The following ADAMTS19 variants were observed in gnomAD, a reference collection of about 807,000 sequenced individuals.
ADAMTS19 encodes the protein ADAM metallopeptidase with thrombospondin type 1 motif 19.
In ADAMTS19, 93 loss-of-function variants were observed where a neutral mutation model predicts 153.3. The observed-to-expected ratio is 0.61, with a 90% CI of 0.51 to 0.72. The LOEUF is 0.72. Among genes scored for constraint, ADAMTS19 ranks in the 30% least tolerant of loss-of-function variants. The pLI is 0.00. For synonymous variants in ADAMTS19, 600 were observed against 556.6 expected (o/e 1.08, Z -1.10); for missense variants, 1,482 against 1,552.1 (o/e 0.95, Z 0.76).
chr5:129,615,263 A>C (rs1217492692), intron 8 of ADAMTS19, among the ~76,000 whole-genome samples: 1 of 152,078 alleles, frequency 6.6e-6, no homozygotes, highest in Non-Finnish European at 1.5e-5. Flanking sequence ...AAGGTATTCT[A>C]ATGGAAAGGA....
intron 11 of ADAMTS19, 21 bp from the exon 12 acceptor site, chr5:129,647,744 A>G: frequency 6.2e-7 from 1 of 1,611,968 alleles, no homozygotes; most frequent in Non-Finnish European, 8.5e-7. Flanking sequence ...TTGTTCACCT[A>G]AGACATAACT....
intron 21 of ADAMTS19, among the ~76,000 whole-genome samples, chr5:129,712,324 A>G (rs2127182613): frequency 6.6e-6 from 1 of 152,266 alleles, no homozygotes; most frequent in East Asian, 1.9e-4. Flanking sequence ...CATTGAAAAA[A>G]CCTATCCCAA....
intron 21 of ADAMTS19, among the ~76,000 whole-genome samples, chr5:129,724,656 G>C (rs557022865): frequency 1.3e-5 from 2 of 152,118 alleles, no homozygotes; most frequent in African/African-American, 4.8e-5. Context: ...AGAGAAAAGA[G>C]AATAACTCTC....
At chr5:129,661,515 G>A (rs751235331) in intron 15 of ADAMTS19, among the ~76,000 whole-genome samples, 4 of 152,146 alleles carry the variant, frequency 2.6e-5, no homozygotes, top group Admixed American at 6.6e-5. Flanking sequence ...AGTTGGCCAC[G>A]CACGTTGTAT....
intron 20 of ADAMTS19, among the ~76,000 whole-genome samples, chr5:129,702,120 G>T (rs1183594093): frequency 6.6e-6 from 1 of 152,284 alleles, no homozygotes; most frequent in Non-Finnish European, 1.5e-5. Context: ...GTAGAGCTGG[G>T]ATTTGAACCC....
At chr5:129,724,955 A>G (rs1324403346) in intron 21 of ADAMTS19, among the ~76,000 whole-genome samples, 1 of 152,154 alleles carries the variant, frequency 6.6e-6, no homozygotes, top group Non-Finnish European at 1.5e-5. Flanking sequence ...TGTTGAACAT[A>G]TCTGGGCCCC....
In ADAMTS19 at chr5:129,596,684, A is replaced by T; in HGVS notation, c.1478+20A>T. 1 of 1,492,806 alleles carries T rather than the reference A, an allele frequency of 6.7e-7. No individual in the cohort carries two copies. 92.5% of individuals were successfully genotyped at this position (1,492,806 alleles called of 1,614,324 possible). The stretch of plus-strand genomic sequence containing the variant: ...TCACAAGTAAGTAAAAATCATGGCT[A>T]TGTTAAATATGTTAGCATATAACTT... On this transcript the variant is annotated intron_variant, in intron 8 of 22. Coordinates refer to ENST00000274487, the MANE Select transcript of ADAMTS19 (RefSeq NM_133638.6).
intron 2 of ADAMTS19, among the ~76,000 whole-genome samples, chr5:129,488,332 A>T (rs1432901601): frequency 6.6e-6 from 1 of 152,058 alleles, no homozygotes; most frequent in African/African-American, 2.4e-5. Flanking sequence ...GAGTCACTTT[A>T]ATTTCAGTCT....
At chr5:129,498,840 CTT>C (rs1448242055) in intron 2 of ADAMTS19, among the ~76,000 whole-genome samples, 1 of 144,172 alleles carries the variant, frequency 6.9e-6, no homozygotes, top group African/African-American at 2.6e-5. Context: ...TTTAATACTG[CTT>C]TTTACAATTT....
chr5:129,548,239 A>C (rs935116327), intron 6 of ADAMTS19, among the ~76,000 whole-genome samples: 2 of 149,916 alleles, frequency 1.3e-5, no homozygotes, highest in Admixed American at 6.6e-5. Context: ...TGAACAGGCA[A>C]CCTACAAAAT....
intron 8 of ADAMTS19, among the ~76,000 whole-genome samples, chr5:129,600,621 G>T (rs766726237): frequency 1.6e-4 from 25 of 152,052 alleles, no homozygotes; most frequent in Non-Finnish European, 2.9e-4. Context: ...GACTCTTGGG[G>T]ATGAAAATTT....
At chr5:129,625,144 A>T (rs746799628) in intron 10 of ADAMTS19, among the ~76,000 whole-genome samples, 4 of 152,168 alleles carry the variant, frequency 2.6e-5, no homozygotes, top group Non-Finnish European at 5.9e-5. Context: ...AGCTTCATCC[A>T]TGTAGCTACA....
intron 6 of ADAMTS19, among the ~76,000 whole-genome samples, chr5:129,539,332 A>C (rs1364047971): frequency 1.1e-4 from 17 of 152,072 alleles, no homozygotes; most frequent in Admixed American, 1.1e-3. Context: ...CTATAAACCC[A>C]GTTTTGCAGA....
chr5:129,673,086 T>G (rs918486607), intron 16 of ADAMTS19, among the ~76,000 whole-genome samples: 2 of 152,086 alleles, frequency 1.3e-5, no homozygotes, highest in Non-Finnish European at 2.9e-5. Flanking sequence ...TTTTCTTAGA[T>G]AAGCTAAAGT....
At chr5:129,702,941 A>AAATATATATAT in intron 20 of ADAMTS19, among the ~76,000 whole-genome samples, 49 of 29,258 alleles carry the variant, frequency 1.7e-3, no homozygotes, top group Middle Eastern at 0.023. Flanking sequence ...AAAAAAAAAA[A>AAATATATATAT]ATATATATAT....
At chr5:129,534,723 C>G (rs1264191487) in intron 6 of ADAMTS19, among the ~76,000 whole-genome samples, 1 of 152,158 alleles carries the variant, frequency 6.6e-6, no homozygotes, top group Non-Finnish European at 1.5e-5. Context: ...AGCTTATCCA[C>G]CATGATCAAG....
intron 15 of ADAMTS19, among the ~76,000 whole-genome samples, chr5:129,661,778 A>G (rs1327187764): frequency 6.6e-6 from 1 of 152,230 alleles, no homozygotes; most frequent in Non-Finnish European, 1.5e-5. Flanking sequence ...AATACTAAGA[A>G]GAAAATGGGC....
intron 7 of ADAMTS19, among the ~76,000 whole-genome samples, chr5:129,557,917 G>A (rs1375454365): frequency 6.6e-6 from 1 of 151,342 alleles, no homozygotes; most frequent in Admixed American, 6.6e-5. Context: ...TTTTATTGCA[G>A]GTTTATTCCA....
intron 3 of ADAMTS19, among the ~76,000 whole-genome samples, chr5:129,518,309 G>A (rs1276084755): frequency 6.6e-6 from 1 of 152,054 alleles, no homozygotes; most frequent in Non-Finnish European, 1.5e-5. Flanking sequence ...ACCTTCAGAT[G>A]ATTATGTATT....
Sources: allele counts gnomAD v4.1 joint callset (sites outside exome capture counted in the v4.1 genomes callset), GRCh38; gene constraint gnomAD v4.1.1; transcripts MANE v1.5; gene names NCBI Gene and HGNC (gene_info 2026-07-23, HGNC 2026-07-21).